PLPPR1: variants seen among roughly 807,000 people sequenced by gnomAD.
The protein encoded by PLPPR1 is phospholipid phosphatase-related protein type 1.
PLPPR1 carries 10 observed loss-of-function variants against 33.1 expected under a neutral mutation model. The observed-to-expected ratio is 0.30, with a 90% CI of 0.19 to 0.51. The LOEUF is 0.51. PLPPR1 is among the 20% of genes least tolerant of loss of function. The pLI is 0.97. For synonymous variants in PLPPR1, 151 were observed against 151.0 expected, an observed-to-expected ratio of 1.00 and a Z score of 0.00; for missense variants, 304 against 408.1, an observed-to-expected ratio of 0.74 and a Z score of 2.20.
chr9:101,146,842 T>G (rs1475833817), intron 1 of PLPPR1, among the ~76,000 whole-genome samples: 2 of 152,224 alleles, frequency 1.3e-5, no homozygotes, highest in Non-Finnish European at 2.9e-5. Context: ...CAGAGATGCT[T>G]TATATTGCGA....
intron 1 of PLPPR1, among the ~76,000 whole-genome samples, chr9:101,108,630 T>C (rs1831009701): frequency 6.6e-6 from 1 of 152,222 alleles, no homozygotes; most frequent in African/African-American, 2.4e-5. Context: ...TGGATTTCTG[T>C]TTAGAGAAAA....
chr9:101,132,106 C>T (rs10989415), intron 1 of PLPPR1, among the ~76,000 whole-genome samples: 71,474 of 151,990 alleles, frequency 0.47, 17,277 homozygotes, highest in Non-Finnish European at 0.53. Context: ...TGTCTAGTGA[C>T]GTTGTAGTGG....
chr9:101,094,402 G>A (rs1488889067), intron 1 of PLPPR1, among the ~76,000 whole-genome samples: 1 of 152,074 alleles, frequency 6.6e-6, no homozygotes, highest in Non-Finnish European at 1.5e-5. Context: ...GAATACACAG[G>A]AATGCAGAAT....
At chr9:101,079,055 G>T (rs547018965) in intron 1 of PLPPR1, among the ~76,000 whole-genome samples, 1 of 152,118 alleles carries the variant, frequency 6.6e-6, no homozygotes, top group Non-Finnish European at 1.5e-5. Flanking sequence ...ATTTTAATAT[G>T]TTGGTGAGGA....
At chr9:101,084,206 C>G (rs79402928) in intron 1 of PLPPR1, among the ~76,000 whole-genome samples, 8,100 of 152,228 alleles carry the variant, frequency 0.053, 381 homozygotes, top group African/African-American at 0.12. Flanking sequence ...GCTTTTGAGA[C>G]CTGCTTGGAC....
intron 1 of PLPPR1, among the ~76,000 whole-genome samples, chr9:101,120,914 A>G (rs1054693555): frequency 5.3e-5 from 8 of 152,222 alleles, no homozygotes; most frequent in African/African-American, 1.9e-4. Flanking sequence ...GTGAGTGGCT[A>G]TTACAGGGAA....
At chr9:101,144,267 G>T (rs1831494358) in intron 1 of PLPPR1, among the ~76,000 whole-genome samples, 2 of 152,088 alleles carry the variant, frequency 1.3e-5, no homozygotes, top group South Asian at 4.2e-4. Flanking sequence ...GGCCTGTTGG[G>T]GGTGGGGAGC....
At chr9:101,264,659 G>A (rs141024174) in intron 2 of PLPPR1, among the ~76,000 whole-genome samples, 66 of 152,330 alleles carry the variant, frequency 4.3e-4, no homozygotes, top group Middle Eastern at 3.4e-3. Context: ...CACAAGAAGA[G>A]TTGCTGATTG....
At chr9:101,302,514 G>A (rs997516740) in intron 4 of PLPPR1, among the ~76,000 whole-genome samples, 3 of 152,216 alleles carry the variant, frequency 2.0e-5, no homozygotes, top group African/African-American at 7.2e-5. Flanking sequence ...ATTAGATAGA[G>A]ATTTTCTACT....
chr9:101,309,390 A>G lies in PLPPR1; in HGVS notation c.565A>G (p.Ile189Val), dbSNP rs1461331206. 7.4e-6 allele frequency: 12 copies of G among 1,614,100 alleles called. No individual in the cohort carries two copies. The East Asian group carries it at 2.2e-4, about 30-fold the overall frequency. The change falls in exon 5 of 8, where the codon ATA (isoleucine) becomes GTA (valine). Residue 189 changes from isoleucine (I) to valine (V), a missense_variant. By Grantham distance (29) the Ile-to-Val change is conservative. Transcript: ENST00000374874. Reference protein sequence around the residue: ...GNICTGDLEVIEKARRSFPSK... With the variant: ...GNICTGDLEVVEKARRSFPSK... The stretch of plus-strand genomic sequence containing the variant: ...CATTTGTACTGGGGACCTGGAAGTG[A>G]TAGAAAAGGCTCGGAGATCCTTTCC...
At chr9:101,205,499 G>T (rs1826572349) in intron 2 of PLPPR1, among the ~76,000 whole-genome samples, 1 of 152,024 alleles carries the variant, frequency 6.6e-6, no homozygotes, top group Non-Finnish European at 1.5e-5. Flanking sequence ...ATAAATAGTA[G>T]GTATGAGATG....
At chr9:101,114,361 C>T (rs1831094150) in intron 1 of PLPPR1, among the ~76,000 whole-genome samples, 1 of 152,154 alleles carries the variant, frequency 6.6e-6, no homozygotes, top group Admixed American at 6.5e-5. Flanking sequence ...AGGATCCCAA[C>T]AGGGGACAGA....
At chr9:101,217,365 C>A (rs537739441) in intron 2 of PLPPR1, among the ~76,000 whole-genome samples, 1 of 152,274 alleles carries the variant, frequency 6.6e-6, no homozygotes, top group Non-Finnish European at 1.5e-5. Context: ...CAAGGGTTAG[C>A]AAACTTTTTT....
At chr9:101,314,510 G>A (rs149148642) in intron 6 of PLPPR1, among the ~76,000 whole-genome samples, 66 of 152,050 alleles carry the variant, frequency 4.3e-4, no homozygotes, top group Middle Eastern at 3.4e-3. Context: ...TCACAGTAAA[G>A]CTAGGCACAC....
intron 2 of PLPPR1, among the ~76,000 whole-genome samples, chr9:101,245,679 T>C (rs1226820093): frequency 6.6e-6 from 1 of 151,970 alleles, no homozygotes; most frequent in East Asian, 1.9e-4. Flanking sequence ...CCCAGGTTCT[T>C]TTGTTTTCTC....
chr9:101,310,022 T>C (rs937320160), intron 5 of PLPPR1, among the ~76,000 whole-genome samples: 5 of 152,098 alleles, frequency 3.3e-5, no homozygotes, highest in Non-Finnish European at 5.9e-5. Context: ...CACCCCAGAG[T>C]ATGTTTCTCA....
chr9:101,125,610 C>T, intron 1 of PLPPR1: 1 of 553,504 alleles, frequency 1.8e-6, no homozygotes, highest in Middle Eastern at 3.9e-4. Context: ...TTCCACTCCA[C>T]ATCAGAGTCA....
chr9:101,243,548 C>T (rs1049917953), intron 2 of PLPPR1, among the ~76,000 whole-genome samples: 6 of 152,020 alleles, frequency 3.9e-5, no homozygotes, highest in African/African-American at 1.4e-4. Context: ...TCTTGAGTAA[C>T]TGTATAGATA....
At chr9:101,179,051 G>A (rs1826060633) in intron 1 of PLPPR1, among the ~76,000 whole-genome samples, 1 of 152,190 alleles carries the variant, frequency 6.6e-6, no homozygotes, top group Admixed American at 6.5e-5. Flanking sequence ...GCTAAGAAGG[G>A]AGTGACAGTA....
Sources: gnomAD v4.1 joint callset for allele counts (sites outside exome capture counted in the v4.1 genomes callset) on GRCh38, gnomAD v4.1.1 for gene constraint, MANE v1.5 for transcripts, NCBI Gene and HGNC (gene_info 2026-07-23, HGNC 2026-07-21) for gene names.